MEIG1: variants seen among roughly 807,000 people sequenced by gnomAD.
MEIG1 encodes the protein meiosis/spermiogenesis associated 1.
In MEIG1, 12 loss-of-function variants were observed where a neutral mutation model predicts 11.3. The ratio of observed to expected loss-of-function variants is 1.07; its 90% CI spans 0.68 to 1.73. MEIG1 has a LOEUF of 1.73. Ranked by LOEUF, MEIG1 falls within the 40% of genes most tolerant of loss-of-function variation. The probability of loss-of-function intolerance (pLI) is 0.00; values close to 1 mark genes in which losing one functional copy is unlikely to be tolerated. For synonymous variants in MEIG1, 41 were observed against 33.2 expected (o/e 1.24, Z -0.81); for missense variants, 119 against 104.9 (o/e 1.13, Z -0.59).
chr10:14,977,957 G>C (rs188763700), intron 1 of MEIG1, among the ~76,000 whole-genome samples: 3 of 151,818 alleles, frequency 2.0e-5, no homozygotes, highest in East Asian at 3.9e-4. Flanking sequence ...GACATTATTC[G>C]TAATATCCTG....
At chr10:14,982,108 G>A (rs1257728456) in intron 1 of MEIG1, among the ~76,000 whole-genome samples, 4 of 152,152 alleles carry the variant, frequency 2.6e-5, no homozygotes, top group East Asian at 1.9e-4. Flanking sequence ...CAGGGTTATC[G>A]GGATCGAGGG....
At chr10:14,975,928 A>G (rs1843205076), downstream of MEIG1, among the ~76,000 whole-genome samples, 1 of 152,294 alleles carries the variant, frequency 6.6e-6, no homozygotes, top group African/African-American at 2.4e-5. Flanking sequence ...CTATTACTGC[A>G]AATAGTACAG....
At chr10:14,974,319 G>T (rs1843188127), downstream of MEIG1, among the ~76,000 whole-genome samples, 11 of 152,284 alleles carry the variant, frequency 7.2e-5, 1 homozygote, top group South Asian at 2.3e-3. Context: ...ATGAGCAACC[G>T]GTGGCAATCA....
At chr10:14,960,770 T>C (rs935339694) in intron 1 of MEIG1, among the ~76,000 whole-genome samples, 2 of 151,860 alleles carry the variant, frequency 1.3e-5, no homozygotes, top group African/African-American at 4.8e-5. Context: ...CTCACCCCTG[T>C]AATCCCAGCA....
chr10:14,976,343 A>T (rs1459828513), downstream of MEIG1, among the ~76,000 whole-genome samples: 1 of 151,454 alleles, frequency 6.6e-6, no homozygotes, highest in Non-Finnish European at 1.5e-5. Context: ...CACACTGTGA[A>T]GTTATTCCCA....
Position 14,972,033 on chromosome 10 carries a change from G to A in MEIG1, c.139-480G>A, listed in dbSNP as rs143573537. 4.7e-3 allele frequency among the ~76,000 whole-genome samples: 695 copies of A among 146,768 alleles called. 4 individuals carry two copies. Among genetic ancestry groups the A allele is most frequent in the African/African-American group, 0.017 (652 of 39,046 alleles). ...TTAGTTGTCTTTTTTTTTTTTTTCC[G>A]AGGCAGGGTCTTGTTCTGTCACCCA... On this transcript the variant is annotated intron_variant, in intron 2 of 2. Transcript: ENST00000407572.
chr10:14,967,541 G>A (rs1429372098), intron 2 of MEIG1, among the ~76,000 whole-genome samples: 1 of 146,156 alleles, frequency 6.8e-6, no homozygotes, highest in African/African-American at 2.6e-5. Flanking sequence ...GTCTCACTCT[G>A]TCACCCAGGC....
chr10:14,978,514 A>G (rs1480946445), intron 1 of MEIG1, among the ~76,000 whole-genome samples: 2 of 152,046 alleles, frequency 1.3e-5, no homozygotes, highest in Non-Finnish European at 2.9e-5. Context: ...CTGTGATATT[A>G]TTCACAGTAT....
intron 2 of MEIG1, among the ~76,000 whole-genome samples, chr10:14,970,939 C>G: frequency 6.6e-6 from 1 of 152,120 alleles, no homozygotes; most frequent in East Asian, 1.9e-4. Context: ...TAAAGTGCAT[C>G]TCACAAAATC....
chr10:14,968,192 A>G (rs1162414613), intron 2 of MEIG1, among the ~76,000 whole-genome samples: 2 of 152,152 alleles, frequency 1.3e-5, no homozygotes, highest in East Asian at 1.9e-4. Flanking sequence ...AAATTCCTTT[A>G]AAAGTACATA....
intron 2 of MEIG1, among the ~76,000 whole-genome samples, 160 bp from the exon 3 acceptor site, chr10:14,972,353 A>T (rs1423294861): frequency 6.6e-6 from 1 of 152,166 alleles, no homozygotes; most frequent in Non-Finnish European, 1.5e-5. Context: ...GCAATGTAAG[A>T]TGTGTCTTGT....
intron 1 of MEIG1, among the ~76,000 whole-genome samples, chr10:14,962,392 C>T (rs970417904): frequency 1.3e-5 from 2 of 152,164 alleles, no homozygotes; most frequent in African/African-American, 4.8e-5. Flanking sequence ...CATTCATATT[C>T]TCTTTAGGTA....
chr10:14,972,559 G>C lies in MEIG1; in HGVS notation c.185G>C (p.Arg62Thr). ...ETGYVKKLQRRDNTFYYYNKQ... is the reference protein window; with the variant it reads ...ETGYVKKLQRTDNTFYYYNKQ... ...GGATATGTGAAGAAACTTCAGAGAA[G>C]GGACAATACGTTCTATTACTACAAC... Residue 62 changes from arginine (R) to threonine (T), a missense_variant, in exon 3 of 3, where the codon AGG becomes ACG. Coordinates refer to ENST00000407572, the MANE Select transcript of MEIG1 (RefSeq NM_001080836.3). The C allele has an allele frequency of 6.2e-7, 1 of 1,614,032 alleles. No homozygotes were observed. The highest frequency in any genetic ancestry group is 8.5e-7 in the Non-Finnish European group (1 of 1,179,952).
intron 1 of MEIG1, among the ~76,000 whole-genome samples, chr10:14,981,944 C>A (rs1318159650): frequency 6.6e-6 from 1 of 152,168 alleles, no homozygotes; most frequent in Non-Finnish European, 1.5e-5. Flanking sequence ...CTTTTCCTCG[C>A]GGCTTACTGC....
intron 1 of MEIG1, among the ~76,000 whole-genome samples, chr10:14,960,877 A>T (rs1000579147): frequency 2.0e-5 from 3 of 152,026 alleles, no homozygotes; most frequent in Non-Finnish European, 2.9e-5. Flanking sequence ...AAATACAAAA[A>T]AATTAACCAG....
upstream of MEIG1, among the ~76,000 whole-genome samples, chr10:14,956,502 T>C (rs1321694309): frequency 6.6e-6 from 1 of 151,882 alleles, no homozygotes; most frequent in African/African-American, 2.4e-5. Context: ...GAATTGCTTG[T>C]ACCCAGGATG....
At chr10:14,973,482 C>T (rs1263389719), downstream of MEIG1, among the ~76,000 whole-genome samples, 9 of 152,012 alleles carry the variant, frequency 5.9e-5, no homozygotes, top group Non-Finnish European at 8.8e-5. Context: ...TAGAAATCTC[C>T]CAGCAGGCTG....
At chr10:14,957,692 G>A (rs1418748847), upstream of MEIG1, among the ~76,000 whole-genome samples, 1 of 152,144 alleles carries the variant, frequency 6.6e-6, no homozygotes, top group Non-Finnish European at 1.5e-5. Context: ...GGAGTGCAGT[G>A]ACGCAATCTC....
upstream of MEIG1, chr10:14,954,491 C>G (rs1257721462): frequency 7.7e-6 from 2 of 259,846 alleles, no homozygotes; most frequent in Non-Finnish European, 1.6e-5. Context: ...CCTCTCTCTT[C>G]TGTTCCCAAT....
Sources: gnomAD v4.1 joint callset for allele counts (sites outside exome capture counted in the v4.1 genomes callset) on GRCh38, gnomAD v4.1.1 for gene constraint, MANE v1.5 for transcripts, NCBI Gene and HGNC (gene_info 2026-07-23, HGNC 2026-07-21) for gene names.